The following LMO3 variants were observed in gnomAD, a reference collection of about 807,000 sequenced individuals.
The protein encoded by LMO3 is LIM domain only protein 3.
LMO3 carries 2 observed loss-of-function variants against 15.8 expected under a neutral mutation model. The observed-to-expected ratio is 0.13, with a 90% CI of 0.05 to 0.40. LMO3 has a LOEUF of 0.40. LMO3 is among the 10% of genes least tolerant of loss of function. The pLI, the probability that LMO3 is intolerant of heterozygous loss-of-function variation, is 0.99. For missense variants in LMO3, 86 were observed against 182.2 expected (o/e 0.47, Z 3.04); for synonymous variants, 62 against 63.8 (o/e 0.97, Z 0.13).
At chr12:16,556,321 C>A (rs2137289276) in intron 3 of LMO3, among the ~76,000 whole-genome samples, 1 of 152,234 alleles carries the variant, frequency 6.6e-6, no homozygotes, top group South Asian at 2.1e-4. Context: ...GCTTAAATAA[C>A]CCTCCTGCGG....
At position 16,582,904 on chromosome 12, in the gene LMO3, G is replaced by A. The variant is rs186767507; in HGVS notation, c.206+17751C>T. On this transcript the variant is annotated intron_variant, in intron 2 of 3. Transcript: ENST00000537304. This position sits in a 1 kb window ranked among gnomAD's most constrained non-coding sequence, Gnocchi z 4.1. ...CTCTACTAAAATAAAAAAATTAGCC[G>A]GGAGTGGTGGCATGCACCTGTAATC... Among the ~76,000 whole-genome samples the A allele has an allele frequency of 9.9e-5, 15 of 152,064 alleles. No homozygotes were observed. The highest frequency in any genetic ancestry group is 2.1e-4 in the South Asian group (1 of 4,812).
At position 16,559,798 on chromosome 12, in the gene LMO3, G is replaced by GAA. The variant is rs60838238; in HGVS notation, c.332+613_332+614dup. On this transcript the variant is annotated intron_variant, in intron 3 of 3. Transcript: ENST00000537304. This position sits in a 1 kb window ranked among gnomAD's most constrained non-coding sequence, Gnocchi z 4.1. Reference sequence around the variant, plus strand: ...AAACTCCATCATCTCTATAAAAAATGAAAAAAAAAAAAAATTAGCCAGGCA... The same window carrying GAA: ...AAACTCCATCATCTCTATAAAAAATGAAAAAAAAAAAAAAAATTAGCCAGGCA... 9.4e-5 allele frequency among the ~76,000 whole-genome samples: 13 copies of GAA among 138,308 alleles called. No homozygotes were observed. Among genetic ancestry groups the GAA allele is most frequent in the African/African-American group, 3.5e-4 (13 of 36,948 alleles). 90.7% of individuals were successfully genotyped at this position (138,308 alleles called of 152,430 possible).
In LMO3 at chr12:16,550,987, CA is replaced by C. The variant is rs746652509; in HGVS notation, c.*234del. ...AAGTGACACAAAAACGAATAGCAAGCAAAAAAATCCAGCCATATGTACATTA... is the reference window on the plus strand; with the variant it reads ...AAGTGACACAAAAACGAATAGCAAGCAAAAAATCCAGCCATATGTACATTA... On this transcript the variant is annotated 3_prime_UTR_variant, in exon 4 of 4. Transcript: ENST00000537304. The C allele has an allele frequency of 2.9e-5, 12 of 412,552 alleles. No homozygotes were observed. Among genetic ancestry groups the C allele is most frequent in the African/African-American group, 2.4e-4 (12 of 50,720 alleles). 25.6% of individuals were successfully genotyped at this position (412,552 alleles called of 1,614,324 possible).
intron 2 of LMO3, among the ~76,000 whole-genome samples, chr12:16,564,160 G>A (rs960358989): frequency 2.0e-5 from 3 of 152,042 alleles, no homozygotes; most frequent in Non-Finnish European, 4.4e-5. Flanking sequence ...TCTAAAAACA[G>A]ACATGAATAT....
intron 2 of LMO3, among the ~76,000 whole-genome samples, chr12:16,579,114 A>T (rs1205308399): frequency 6.6e-6 from 1 of 152,090 alleles, no homozygotes; most frequent in Non-Finnish European, 1.5e-5. Context: ...AAGGTCATAA[A>T]CTTCCACAGG....
rs1438871008 is a variant in LMO3 at position 16,591,928 on chromosome 12, G to A, written c.206+8727C>T. Among the ~76,000 whole-genome samples the A allele has an allele frequency of 2.6e-5, 4 of 151,832 alleles. No homozygotes were observed. Among genetic ancestry groups the A allele is most frequent in the Non-Finnish European group, 5.9e-5 (4 of 67,932 alleles). ...ATACCTCTTGTCATTCTCTATATTG[G>A]TTCCATGGGACTTAATTGGAGTGAA... On this transcript the variant is annotated intron_variant, in intron 2 of 3. Coordinates refer to ENST00000537304, the MANE Select transcript of LMO3 (RefSeq NM_018640.5). The surrounding 1 kb of genome is among the most constrained non-coding windows in gnomAD (Gnocchi z 4.1).
chr12:16,585,364 T>C lies in LMO3; in HGVS notation c.206+15291A>G, dbSNP rs1591812666. On this transcript the variant is annotated intron_variant, in intron 2 of 3. Transcript: ENST00000537304. This position sits in a 1 kb window ranked among gnomAD's most constrained non-coding sequence, Gnocchi z 4.7. ...ATTTTTAAAAAGTGGATTAACTTTA[T>C]GTTAAACAATCACTTGGCCACAAAG... Among the ~76,000 whole-genome samples, 1 of 152,242 alleles carries C rather than the reference T, an allele frequency of 6.6e-6. No homozygotes were observed.
rs553746501 is a variant in LMO3, at chr12:16,599,112, C to T, written c.206+1543G>A. ...TATGTGGAAATGAGGCTCTAATTCA[C>T]AATGGGCAGAAGAGAAATTTTTATT... On this transcript the variant is annotated intron_variant, in intron 2 of 3. Transcript: ENST00000537304. The surrounding 1 kb of genome is among the most constrained non-coding windows in gnomAD (Gnocchi z 4.1). 126 of 153,024 alleles carry T rather than the reference C, an allele frequency of 8.2e-4. No individual in the cohort carries two copies. The highest frequency in any genetic ancestry group is 1.6e-3 in the Non-Finnish European group (112 of 68,404). 9.5% of individuals were successfully genotyped at this position (153,024 alleles called of 1,614,324 possible). A position where few individuals can be genotyped will look rare whatever the true frequency, so the allele number is the denominator to read the frequency against.
intron 2 of LMO3, among the ~76,000 whole-genome samples, chr12:16,563,923 T>A (rs1942493863): frequency 6.6e-6 from 1 of 152,210 alleles, no homozygotes; most frequent in Non-Finnish European, 1.5e-5. Context: ...TTTGCCAATT[T>A]ATGGGCTAGA....
At chr12:16,578,012 A>G (rs1943046951) in intron 2 of LMO3, among the ~76,000 whole-genome samples, 1 of 152,104 alleles carries the variant, frequency 6.6e-6, no homozygotes, top group Non-Finnish European at 1.5e-5. Flanking sequence ...CCACCATCTC[A>G]TTTGGAATTA....
chr12:16,606,593 CTCTCGTGTGCCTGT>C (rs1944011018), upstream of LMO3: 1 of 151,916 alleles, frequency 6.6e-6, no homozygotes, highest in African/African-American at 2.4e-5. Context: ...CCCTCGCTCG[CTCTCGTGTGCCTGT>C]TCTGCAGCTC....
At chr12:16,580,942 A>G (rs763620444) in intron 2 of LMO3, among the ~76,000 whole-genome samples, 7 of 152,220 alleles carry the variant, frequency 4.6e-5, no homozygotes, top group Non-Finnish European at 8.8e-5. Flanking sequence ...GACATGCTAT[A>G]TACAACACAG....
At chr12:16,551,502 A>C (rs1259321987) in intron 3 of LMO3, among the ~76,000 whole-genome samples, 175 bp from the exon 4 acceptor site, 3 of 151,992 alleles carry the variant, frequency 2.0e-5, no homozygotes, top group African/African-American at 7.2e-5. Context: ...ACTTCATTTA[A>C]TGAAATGTTG....
At position 16,604,277 on chromosome 12, in the gene LMO3, A is replaced by T. The variant is rs1237529381; in HGVS notation, c.-9+1789T>A. Reference sequence around the variant, plus strand: ...CCCTAAGGGACAACAATGCAAATAGATGTCCCCAGATCTCAGGCACTGGAG... The same window carrying T: ...CCCTAAGGGACAACAATGCAAATAGTTGTCCCCAGATCTCAGGCACTGGAG... On this transcript the variant is annotated intron_variant, in intron 1 of 3. Transcript: ENST00000537304. This position sits in a 1 kb window ranked among gnomAD's most constrained non-coding sequence, Gnocchi z 5.3. Among the ~76,000 whole-genome samples the T allele has an allele frequency of 2.0e-5, 3 of 152,076 alleles. No homozygotes were observed. The highest frequency in any genetic ancestry group is 7.2e-5 in the African/African-American group (3 of 41,396).
At chr12:16,552,940 T>C (rs1272386596) in intron 3 of LMO3, among the ~76,000 whole-genome samples, 3 of 96,922 alleles carry the variant, frequency 3.1e-5, no homozygotes, top group Non-Finnish European at 8.3e-5. Context: ...GGGTCCAAAC[T>C]CTACCTTCCC....
At chr12:16,581,485 G>A (rs927893635) in intron 2 of LMO3, among the ~76,000 whole-genome samples, 1 of 152,030 alleles carries the variant, frequency 6.6e-6, no homozygotes, top group Non-Finnish European at 1.5e-5. Flanking sequence ...ATACATAAAG[G>A]CAAATATTTC....
At chr12:16,570,757 GATTT>G (rs1416153494) in intron 2 of LMO3, among the ~76,000 whole-genome samples, 3 of 152,140 alleles carry the variant, frequency 2.0e-5, no homozygotes, top group African/African-American at 7.2e-5. Context: ...CAGAGATTGT[GATTT>G]AGTGACAACA....
rs1379273493 is a variant in LMO3, at chr12:16,593,431, T to G, written c.206+7224A>C. On this transcript the variant is annotated intron_variant, in intron 2 of 3. Coordinates refer to ENST00000537304, the MANE Select transcript of LMO3 (RefSeq NM_018640.5). The surrounding 1 kb of genome is among the most constrained non-coding windows in gnomAD (Gnocchi z 4.2). ...TTCCAAGATGATTATTCATCTCAAG[T>G]GTGATTTCATTTTAAACTTGTAAAG... 6.6e-6 allele frequency among the ~76,000 whole-genome samples: 1 copy of G among 151,770 alleles called. No homozygotes were observed. The highest frequency in any genetic ancestry group is 1.5e-5 in the Non-Finnish European group (1 of 67,774).
chr12:16,570,710 A>T (rs1023281168), intron 2 of LMO3, among the ~76,000 whole-genome samples: 2 of 152,092 alleles, frequency 1.3e-5, no homozygotes, highest in Non-Finnish European at 2.9e-5. Context: ...GCAATGCAAA[A>T]CTCACTTGTT....
Sources: gnomAD v4.1 joint callset for allele counts (sites outside exome capture counted in the v4.1 genomes callset) on GRCh38, gnomAD v4.1.1 for gene constraint, Gnocchi (gnomAD v3.1) non-coding constraint, MANE v1.5 for transcripts, NCBI Gene and HGNC (gene_info 2026-07-23, HGNC 2026-07-21) for gene names.